Variants in GPC6 observed in about 807,000 individuals in gnomAD.
GPC6 encodes glypican 6.
Under a neutral mutation model 55.2 loss-of-function variants are expected in GPC6, and 14 were observed. The ratio of observed to expected loss-of-function variants is 0.25; its 90% CI spans 0.17 to 0.40. The LOEUF (loss-of-function observed/expected upper bound fraction) is 0.40. GPC6 is among the 10% of genes least tolerant of loss of function. The probability of loss-of-function intolerance (pLI) is 1.00; values close to 1 mark genes in which losing one functional copy is unlikely to be tolerated. For synonymous variants in GPC6, 278 were observed against 259.6 expected (o/e 1.07, Z -0.68); for missense variants, 641 against 708.5 (o/e 0.90, Z 1.08).
At chr13:93,338,587 T>C (rs900509012) in intron 1 of GPC6, among the ~76,000 whole-genome samples, 1 of 152,206 alleles carries the variant, frequency 6.6e-6, no homozygotes, top group Non-Finnish European at 1.5e-5. Context: ...TTCTAGAAAG[T>C]AGGCTGAGAA....
chr13:94,059,726 T>C (rs1158540018), intron 4 of GPC6, among the ~76,000 whole-genome samples: 5 of 151,774 alleles, frequency 3.3e-5, no homozygotes. Flanking sequence ...GATGGACATC[T>C]TTTTGCTATG....
chr13:93,355,114 A>G (rs905478427), intron 1 of GPC6, among the ~76,000 whole-genome samples: 10 of 152,194 alleles, frequency 6.6e-5, no homozygotes, highest in African/African-American at 2.4e-4. Flanking sequence ...ATAAGCAGCC[A>G]TTATTCATAT....
At chr13:93,874,421 T>C (rs866203635) in intron 3 of GPC6, among the ~76,000 whole-genome samples, 1 of 151,852 alleles carries the variant, frequency 6.6e-6, no homozygotes, top group South Asian at 2.1e-4. Flanking sequence ...GGTGTATATG[T>C]ACCATATTTT....
At chr13:93,737,522 C>T (rs959123605) in intron 2 of GPC6, among the ~76,000 whole-genome samples, 1 of 152,048 alleles carries the variant, frequency 6.6e-6, no homozygotes, top group Non-Finnish European at 1.5e-5. Context: ...CAACATTCAT[C>T]GATTTATTTT....
intron 1 of GPC6, among the ~76,000 whole-genome samples, chr13:93,322,599 G>A (rs996705555): frequency 6.6e-6 from 1 of 151,474 alleles, no homozygotes; most frequent in Non-Finnish European, 1.5e-5. Flanking sequence ...ACCATGCCCA[G>A]CTAATTTTTT....
intron 6 of GPC6, among the ~76,000 whole-genome samples, chr13:94,359,258 A>C (rs1169200033): frequency 6.6e-6 from 1 of 152,228 alleles, no homozygotes; most frequent in Non-Finnish European, 1.5e-5. Context: ...TTGAAGAAAT[A>C]AAATGAAAAC....
intron 4 of GPC6, among the ~76,000 whole-genome samples, chr13:94,045,519 GA>G (rs1452981545): frequency 6.6e-6 from 1 of 151,808 alleles, no homozygotes; most frequent in Non-Finnish European, 1.5e-5. Context: ...TGTGATCAGT[GA>G]ATTAAAATAC....
intron 2 of GPC6, among the ~76,000 whole-genome samples, chr13:93,725,923 A>G (rs1421468787): frequency 6.6e-6 from 1 of 152,024 alleles, no homozygotes; most frequent in African/African-American, 2.4e-5. Flanking sequence ...TGGCCAATAG[A>G]AAACAAGACA....
At chr13:94,289,340 C>T (rs1028115964) in intron 5 of GPC6, among the ~76,000 whole-genome samples, 8 of 152,176 alleles carry the variant, frequency 5.3e-5, no homozygotes, top group African/African-American at 1.9e-4. Context: ...GGTCATTTCA[C>T]TCCTGCACCC....
chr13:93,267,008 T>C (rs1877345705), intron 1 of GPC6, among the ~76,000 whole-genome samples: 1 of 152,156 alleles, frequency 6.6e-6, no homozygotes, highest in Non-Finnish European at 1.5e-5. Context: ...ACACCTACTT[T>C]AGTTTATTGC....
chr13:93,251,536 G>A (rs1157426501), intron 1 of GPC6, among the ~76,000 whole-genome samples: 1 of 152,178 alleles, frequency 6.6e-6, no homozygotes, highest in Non-Finnish European at 1.5e-5. Context: ...AGGAATCTTT[G>A]GGATTCCTTG....
At chr13:94,002,289 T>C (rs1023228422) in intron 3 of GPC6, among the ~76,000 whole-genome samples, 2 of 152,080 alleles carry the variant, frequency 1.3e-5, no homozygotes, top group Non-Finnish European at 2.9e-5. Context: ...GCCGTGTCGG[T>C]CAATACCCCA....
At chr13:93,624,426 G>T (rs533359423) in intron 2 of GPC6, among the ~76,000 whole-genome samples, 1 of 152,214 alleles carries the variant, frequency 6.6e-6, no homozygotes, top group South Asian at 2.1e-4. Flanking sequence ...GGCTTTATAC[G>T]TCTCAATTTC....
chr13:94,181,792 G>A (rs1041764920), intron 4 of GPC6, among the ~76,000 whole-genome samples: 5 of 152,194 alleles, frequency 3.3e-5, no homozygotes, highest in African/African-American at 9.7e-5. Context: ...CCACATTTTT[G>A]ACATGGTTAT....
intron 4 of GPC6, among the ~76,000 whole-genome samples, chr13:94,091,894 C>G (rs985033673): frequency 1.3e-5 from 1 of 79,696 alleles, no homozygotes; most frequent in Non-Finnish European, 2.4e-5. Flanking sequence ...AGATCAAATT[C>G]TGTGTGTGTG....
chr13:93,925,571 AC>A (rs1877813766), intron 3 of GPC6, among the ~76,000 whole-genome samples: 1 of 152,210 alleles, frequency 6.6e-6, no homozygotes, highest in African/African-American at 2.4e-5. Flanking sequence ...GTCCACATTT[AC>A]CAGTATTTAG....
intron 1 of GPC6, among the ~76,000 whole-genome samples, chr13:93,287,805 G>A (rs9589705): frequency 0.11 from 16,405 of 152,102 alleles, 1,132 homozygotes; most frequent in East Asian, 0.36. Context: ...TTGCAAATGC[G>A]TTAGAAGTTT....
chr13:94,111,757 C>A (rs900424687), intron 4 of GPC6, among the ~76,000 whole-genome samples: 2 of 151,950 alleles, frequency 1.3e-5, no homozygotes, highest in Non-Finnish European at 2.9e-5. Context: ...GTTTTCTTCA[C>A]CTTAGTACTC....
chr13:94,216,312 A>G (rs1390825676), intron 4 of GPC6, among the ~76,000 whole-genome samples: 1 of 152,248 alleles, frequency 6.6e-6, no homozygotes, highest in Non-Finnish European at 1.5e-5. Context: ...GAGGAAGAAC[A>G]TGACTTGAAT....
Sources: allele counts gnomAD v4.1 joint callset (sites outside exome capture counted in the v4.1 genomes callset), GRCh38; gene constraint gnomAD v4.1.1; transcripts MANE v1.5; gene names NCBI Gene and HGNC (gene_info 2026-07-23, HGNC 2026-07-21).